The following CHRM3 variants were observed in gnomAD, a reference collection of about 807,000 sequenced individuals.
The protein encoded by CHRM3 is cholinergic receptor muscarinic 3.
Under a neutral mutation model 41.8 loss-of-function variants are expected in CHRM3, and 11 were observed. The ratio of observed to expected loss-of-function variants is 0.26; its 90% CI spans 0.17 to 0.44. CHRM3 has a LOEUF of 0.44. CHRM3 is among the 20% of genes least tolerant of loss of function. The probability of loss-of-function intolerance (pLI) is 1.00; values close to 1 mark genes in which losing one functional copy is unlikely to be tolerated. For synonymous variants in CHRM3, 297 were observed against 301.4 expected (o/e 0.99, Z 0.15); for missense variants, 571 against 745.4 (o/e 0.77, Z 2.72).
chr1:239,399,738 T>A (rs1343689287), intron 1 of CHRM3, among the ~76,000 whole-genome samples: 1 of 152,160 alleles, frequency 6.6e-6, no homozygotes, highest in Non-Finnish European at 1.5e-5. Context: ...TCTTTCTCCA[T>A]TCTTCTGTTG....
chr1:239,808,448 G>A (rs1670836757), intron 5 of CHRM3, among the ~76,000 whole-genome samples: 1 of 152,122 alleles, frequency 6.6e-6, no homozygotes, highest in Non-Finnish European at 1.5e-5. Context: ...TAAGGGGACA[G>A]CTTCATCCTG....
At chr1:239,802,218 T>C (rs1288319597) in intron 5 of CHRM3, among the ~76,000 whole-genome samples, 1 of 152,126 alleles carries the variant, frequency 6.6e-6, no homozygotes, top group Non-Finnish European at 1.5e-5. Context: ...GATCCCAGGG[T>C]ATGCAAAAAC....
At chr1:239,703,433 A>G (rs1173187128) in intron 5 of CHRM3, 1 of 152,226 alleles carries the variant, frequency 6.6e-6, no homozygotes, top group Non-Finnish European at 1.5e-5. Context: ...AATGACTACC[A>G]TACAAATCAA....
rs1422375304 is a variant in CHRM3 at position 239,456,636 on chromosome 1, C to G, written c.-520-36073C>G. On this transcript the variant is annotated intron_variant, in intron 1 of 6. Coordinates refer to ENST00000676153, the MANE Select transcript of CHRM3 (RefSeq NM_001375978.1). Reference sequence around the variant, plus strand: ...TTTCTTACAATGTCACGGGAAGTTTCCATGCCAAAGTAGTGTACATGAATG... The same window carrying G: ...TTTCTTACAATGTCACGGGAAGTTTGCATGCCAAAGTAGTGTACATGAATG... Among the ~76,000 whole-genome samples the G allele has an allele frequency of 8.5e-5, 13 of 152,282 alleles. No individual in the cohort carries two copies. The South Asian group carries it at 2.1e-3, about 24-fold the overall frequency.
chr1:239,664,460 A>G (rs1254941403), intron 4 of CHRM3, among the ~76,000 whole-genome samples: 3 of 152,188 alleles, frequency 2.0e-5, no homozygotes, highest in Admixed American at 6.5e-5. Context: ...TTATTCTGCA[A>G]GATGGAGAAA....
intron 5 of CHRM3, among the ~76,000 whole-genome samples, chr1:239,805,046 C>T (rs772628047): frequency 1.3e-4 from 20 of 152,188 alleles, no homozygotes; most frequent in Non-Finnish European, 2.5e-4. Context: ...AATTTCCCTT[C>T]TGGACCTAAA....
intron 6 of CHRM3, among the ~76,000 whole-genome samples, chr1:239,828,759 G>A (rs1257363678): frequency 1.3e-5 from 2 of 152,060 alleles, no homozygotes; most frequent in Non-Finnish European, 1.5e-5. Context: ...CTAAGAAAAT[G>A]GAGGATATCA....
At chr1:239,658,137 G>T (rs1302395054) in intron 4 of CHRM3, among the ~76,000 whole-genome samples, 2 of 152,152 alleles carry the variant, frequency 1.3e-5, no homozygotes, top group East Asian at 3.9e-4. Flanking sequence ...ATAAATATGA[G>T]ACTGGCTATT....
In CHRM3 at chr1:239,907,996, C is replaced by A; in HGVS notation, c.545C>A (p.Thr182Lys). The change falls in exon 7 of 7, where the codon ACA becomes AAA. Residue 182 changes from threonine to lysine, a missense_variant. Transcript: ENST00000676153. The surrounding 1 kb of genome is among the most constrained non-coding windows in gnomAD (Gnocchi z 5.4). The part of the protein sequence containing the change: ...RPLTYRAKRT[T>K]KRAGVMIGLA... The stretch of plus-strand genomic sequence containing the variant: ...CTCACGTACCGAGCCAAACGAACAA[C>A]AAAGAGAGCCGGTGTGATGATCGGT... 1 of 1,614,182 alleles carries A rather than the reference C, an allele frequency of 6.2e-7. No homozygotes were observed. The highest frequency in any genetic ancestry group is 8.5e-7 in the Non-Finnish European group (1 of 1,180,042).
At chr1:239,679,450 C>T (rs768032617) in intron 5 of CHRM3, among the ~76,000 whole-genome samples, 15 of 151,894 alleles carry the variant, frequency 9.9e-5, no homozygotes, top group South Asian at 2.1e-4. Flanking sequence ...TTGGGAAGTG[C>T]GTTATTATTT....
intron 4 of CHRM3, among the ~76,000 whole-genome samples, chr1:239,641,071 G>A (rs953192579): frequency 1.1e-4 from 17 of 152,118 alleles, no homozygotes; most frequent in Non-Finnish European, 1.5e-4. Context: ...GTAGGTGAGC[G>A]GTTTTGCGTG....
intron 4 of CHRM3, among the ~76,000 whole-genome samples, chr1:239,654,916 T>C (rs1482836565): frequency 6.6e-6 from 1 of 152,224 alleles, no homozygotes; most frequent in Non-Finnish European, 1.5e-5. Flanking sequence ...CAAGTCCCTT[T>C]CTAATAGATT....
chr1:239,618,003 C>G (rs1667816368), intron 3 of CHRM3, among the ~76,000 whole-genome samples: 1 of 152,090 alleles, frequency 6.6e-6, no homozygotes, highest in Admixed American at 6.6e-5. Context: ...CAGCATTCAT[C>G]AGTCTTCTCT....
At chr1:239,906,060 G>A (rs1272679468) in intron 6 of CHRM3, among the ~76,000 whole-genome samples, 1 of 151,986 alleles carries the variant, frequency 6.6e-6, no homozygotes, top group Non-Finnish European at 1.5e-5. Context: ...GAGAAAACTT[G>A]GACTCAAAGA....
intron 4 of CHRM3, among the ~76,000 whole-genome samples, chr1:239,653,940 G>A (rs974482889): frequency 1.3e-5 from 2 of 152,128 alleles, no homozygotes; most frequent in African/African-American, 4.8e-5. Flanking sequence ...CATGAAGAAA[G>A]GGTAAAGAAG....
At chr1:239,483,356 G>T (rs915164760) in intron 1 of CHRM3, among the ~76,000 whole-genome samples, 3 of 152,160 alleles carry the variant, frequency 2.0e-5, no homozygotes, top group African/African-American at 7.2e-5. Flanking sequence ...TGTAAAATTA[G>T]CTAATCATGC....
In CHRM3 at chr1:239,402,013, G is replaced by A. The variant is rs114444311; in HGVS notation, c.-521+14786G>A. The stretch of plus-strand genomic sequence containing the variant: ...TCTTGTTGTTTGCAGCGGCATTTAC[G>A]GCATTTATGGCATCAAGTATTAGTA... On this transcript the variant is annotated intron_variant, in intron 1 of 6. Coordinates refer to ENST00000676153, the MANE Select transcript of CHRM3 (RefSeq NM_001375978.1). 8.0e-4 allele frequency among the ~76,000 whole-genome samples: 121 copies of A among 152,094 alleles called. 1 individual carries two copies. The highest frequency in any genetic ancestry group is 2.5e-3 in the African/African-American group (104 of 41,490).
chr1:239,526,812 C>A (rs1007191690), intron 2 of CHRM3, among the ~76,000 whole-genome samples: 3 of 152,066 alleles, frequency 2.0e-5, no homozygotes, highest in Non-Finnish European at 4.4e-5. Flanking sequence ...TCATTGCAAC[C>A]TTTTTCCATC....
At chr1:239,641,813 G>T (rs1318078308) in intron 4 of CHRM3, among the ~76,000 whole-genome samples, 1 of 128,008 alleles carries the variant, frequency 7.8e-6, no homozygotes. Flanking sequence ...TCATTATGAT[G>T]TTAGCTGGTT....
Sources: allele counts gnomAD v4.1 joint callset (sites outside exome capture counted in the v4.1 genomes callset), GRCh38; gene constraint gnomAD v4.1.1; non-coding constraint Gnocchi (gnomAD v3.1); transcripts MANE v1.5; gene names NCBI Gene and HGNC (gene_info 2026-07-23, HGNC 2026-07-21).